The following VAV3 variants were observed in gnomAD, a reference collection of about 807,000 sequenced individuals.
The protein encoded by VAV3 is vav guanine nucleotide exchange factor 3.
VAV3 carries 94 observed loss-of-function variants against 131.2 expected under a neutral mutation model. That is an observed-to-expected ratio of 0.72 (90% CI 0.61 to 0.85). VAV3 has a LOEUF of 0.85. Ranked by LOEUF, VAV3 falls within the 40% of genes least tolerant of loss-of-function variation. VAV3 has a pLI of 0.00. For synonymous variants in VAV3, 349 were observed against 342.0 expected, an observed-to-expected ratio of 1.02 and a Z score of -0.22; for missense variants, 939 against 1,002.7, an observed-to-expected ratio of 0.94 and a Z score of 0.86.
intron 19 of VAV3, among the ~76,000 whole-genome samples, chr1:107,674,188 A>G (rs541775407): frequency 6.6e-6 from 1 of 152,334 alleles, no homozygotes; most frequent in Middle Eastern, 3.4e-3. Context: ...CAAGTTTAAT[A>G]TTTAGACTGG....
chr1:107,901,187 C>G (rs1467600170), intron 1 of VAV3, among the ~76,000 whole-genome samples: 1 of 152,138 alleles, frequency 6.6e-6, no homozygotes, highest in Non-Finnish European at 1.5e-5. Flanking sequence ...TGACAATTTA[C>G]CTATGTGATT....
At chr1:107,598,675 A>G (rs1651590965) in intron 24 of VAV3, among the ~76,000 whole-genome samples, 1 of 152,172 alleles carries the variant, frequency 6.6e-6, no homozygotes, top group Non-Finnish European at 1.5e-5. Flanking sequence ...CAGAATATGC[A>G]TTTGTATTTT....
At chr1:107,888,737 A>T (rs1321392983) in intron 1 of VAV3, among the ~76,000 whole-genome samples, 1 of 151,986 alleles carries the variant, frequency 6.6e-6, no homozygotes, top group Non-Finnish European at 1.5e-5. Flanking sequence ...GGGATTACAG[A>T]TATGAGCCAC....
At chr1:107,868,580 A>C (rs965125519) in intron 2 of VAV3, among the ~76,000 whole-genome samples, 1 of 152,164 alleles carries the variant, frequency 6.6e-6, no homozygotes, top group African/African-American at 2.4e-5. Context: ...TTCTGGAATC[A>C]CTGGCAAGGA....
chr1:107,829,272 G>GT (rs1421900051), intron 2 of VAV3, among the ~76,000 whole-genome samples: 2 of 152,148 alleles, frequency 1.3e-5, no homozygotes, highest in African/African-American at 4.8e-5. Flanking sequence ...TTGACTCACT[G>GT]TATGATATTG....
intron 18 of VAV3, among the ~76,000 whole-genome samples, chr1:107,687,788 T>A (rs926656909): frequency 2.0e-5 from 3 of 152,196 alleles, no homozygotes; most frequent in African/African-American, 7.2e-5. Flanking sequence ...TGTATTTTTT[T>A]AAATAACTTT....
At chr1:107,897,426 G>C (rs949000290) in intron 1 of VAV3, 1 of 151,832 alleles carries the variant, frequency 6.6e-6, no homozygotes, top group African/African-American at 2.4e-5. Context: ...TGAGTATCAG[G>C]AGCAACAGGG....
intron 2 of VAV3, among the ~76,000 whole-genome samples, chr1:107,792,224 A>T (rs143072546): frequency 6.6e-6 from 1 of 152,078 alleles, no homozygotes; most frequent in Non-Finnish European, 1.5e-5. Flanking sequence ...AGTGTTGAGT[A>T]TTTTTTTTCT....
intron 4 of VAV3, among the ~76,000 whole-genome samples, chr1:107,774,092 A>C (rs1430148884): frequency 6.6e-6 from 1 of 152,138 alleles, no homozygotes; most frequent in Non-Finnish European, 1.5e-5. Flanking sequence ...TGGGGGACAG[A>C]GTCTCACTCT....
At chr1:107,629,085 T>C (rs527529772) in intron 20 of VAV3, among the ~76,000 whole-genome samples, 1 of 152,196 alleles carries the variant, frequency 6.6e-6, no homozygotes, top group African/African-American at 2.4e-5. Flanking sequence ...TTGGTTCCAA[T>C]TAGCTTACAA....
chr1:107,608,258 A>G (rs943268176), intron 22 of VAV3, among the ~76,000 whole-genome samples: 8 of 152,206 alleles, frequency 5.3e-5, no homozygotes, highest in Admixed American at 3.3e-4. Flanking sequence ...GTTCTTAGGT[A>G]CCTAATAAGT....
intron 7 of VAV3, among the ~76,000 whole-genome samples, chr1:107,768,069 G>A (rs1464543604): frequency 1.3e-5 from 2 of 152,152 alleles, no homozygotes; most frequent in Non-Finnish European, 2.9e-5. Context: ...ATATGGTGAG[G>A]ACATCACCTA....
intron 9 of VAV3, among the ~76,000 whole-genome samples, chr1:107,764,323 C>A (rs1183766009): frequency 1.3e-5 from 2 of 152,054 alleles, no homozygotes; most frequent in African/African-American, 4.8e-5. Context: ...AACTCAAATG[C>A]GCCTCTTCAG....
At chr1:107,876,721 C>A (rs758431982) in intron 1 of VAV3, among the ~76,000 whole-genome samples, 6 of 152,086 alleles carry the variant, frequency 3.9e-5, no homozygotes, top group Non-Finnish European at 5.9e-5. Flanking sequence ...GCAAAATACA[C>A]ACATACCCTA....
chr1:107,621,086 C>T (rs1557709622), intron 20 of VAV3, among the ~76,000 whole-genome samples: 2 of 89,600 alleles, frequency 2.2e-5, no homozygotes, highest in African/African-American at 7.2e-5. Context: ...CATATCAAAA[C>T]TCATTTTTTT....
At chr1:107,893,868 T>G (rs983304566) in intron 1 of VAV3, among the ~76,000 whole-genome samples, 1 of 152,236 alleles carries the variant, frequency 6.6e-6, no homozygotes, top group African/African-American at 2.4e-5. Context: ...GGTAGGCTAT[T>G]ATGTTCATGA....
At position 107,764,649 on chromosome 1, in the gene VAV3, G is replaced by A. The variant is rs1365848332; in HGVS notation, c.921+427C>T. ...CATACTCCTTGGCCTCAACTTCTCA[G>A]GTAGCTAGAACTACAGGCATGAGCC... On this transcript the variant is annotated intron_variant, in intron 9 of 26. Transcript: ENST00000370056. 4.6e-5 allele frequency among the ~76,000 whole-genome samples: 7 copies of A among 152,080 alleles called. No individual in the cohort carries two copies. The East Asian group carries it at 1.2e-3, about 25-fold the overall frequency.
intron 2 of VAV3, among the ~76,000 whole-genome samples, chr1:107,828,325 CAGA>C (rs893488032): frequency 6.6e-6 from 1 of 152,158 alleles, no homozygotes; most frequent in African/African-American, 2.4e-5. Flanking sequence ...GGCTGTAAGG[CAGA>C]AGGCCTGAGG....
chr1:107,577,733 A>G (rs534381143), intron 25 of VAV3, among the ~76,000 whole-genome samples: 1 of 152,304 alleles, frequency 6.6e-6, no homozygotes, highest in African/African-American at 2.4e-5. Flanking sequence ...AGCCTGAAAG[A>G]AACTGGATCG....
Sources: allele counts gnomAD v4.1 joint callset (sites outside exome capture counted in the v4.1 genomes callset), GRCh38; gene constraint gnomAD v4.1.1; transcripts MANE v1.5; gene names NCBI Gene and HGNC (gene_info 2026-07-23, HGNC 2026-07-21).